The following TENM4 variants were observed in gnomAD, a reference collection of about 807,000 sequenced individuals.
The protein encoded by TENM4 is teneurin transmembrane protein 4.
In TENM4, 82 loss-of-function variants were observed where a neutral mutation model predicts 243.3. That is an observed-to-expected ratio of 0.34 (90% CI 0.28 to 0.40). TENM4 has a LOEUF of 0.40. Among genes scored for constraint, TENM4 ranks in the 10% least tolerant of loss-of-function variants. TENM4 has a pLI of 1.00. For synonymous variants in TENM4, 1,412 were observed against 1,456.3 expected, an observed-to-expected ratio of 0.97 and a Z score of 0.69; for missense variants, 3,138 against 3,673.3, an observed-to-expected ratio of 0.85 and a Z score of 3.77.
intron 2 of TENM4, among the ~76,000 whole-genome samples, chr11:79,251,492 C>G (rs779791788): frequency 6.6e-6 from 1 of 152,208 alleles, no homozygotes; most frequent in South Asian, 2.1e-4. Context: ...TTGCTCAAAT[C>G]AGGCACGAAA....
chr11:79,071,832 C>T (rs540674553), intron 4 of TENM4, among the ~76,000 whole-genome samples: 75 of 152,234 alleles, frequency 4.9e-4, no homozygotes, highest in African/African-American at 1.8e-3. Flanking sequence ...TGCCTAAGGC[C>T]ACATGGTGAG....
At chr11:79,208,299 A>T (rs1166588533) in intron 3 of TENM4, among the ~76,000 whole-genome samples, 1 of 152,212 alleles carries the variant, frequency 6.6e-6, no homozygotes, top group Non-Finnish European at 1.5e-5. Flanking sequence ...AGTGCTATTT[A>T]TGACAGAGCA....
chr11:79,406,321 A>G (rs1322374216), intron 1 of TENM4, among the ~76,000 whole-genome samples: 1 of 152,216 alleles, frequency 6.6e-6, no homozygotes, highest in Non-Finnish European at 1.5e-5. Context: ...TCATTATCTT[A>G]AGTGAAAAAA....
At chr11:79,099,982 AG>A (rs1246805238) in intron 4 of TENM4, among the ~76,000 whole-genome samples, 14 of 152,354 alleles carry the variant, frequency 9.2e-5, no homozygotes, top group African/African-American at 2.9e-4. Context: ...GTTTAGCAGC[AG>A]TAAAGGGCTG....
At chr11:79,084,947 T>G (rs1860769886) in intron 4 of TENM4, among the ~76,000 whole-genome samples, 1 of 152,260 alleles carries the variant, frequency 6.6e-6, no homozygotes, top group Non-Finnish European at 1.5e-5. Context: ...TTGTGTTATC[T>G]GTTCTTTTGC....
intron 4 of TENM4, among the ~76,000 whole-genome samples, chr11:79,124,607 G>T (rs1036605956): frequency 2.0e-5 from 3 of 150,726 alleles, no homozygotes; most frequent in Non-Finnish European, 4.4e-5. Context: ...ATATGTGTGT[G>T]TGTGTATATA....
At chr11:79,275,947 T>C (rs1480932250) in intron 2 of TENM4, among the ~76,000 whole-genome samples, 1 of 152,192 alleles carries the variant, frequency 6.6e-6, no homozygotes, top group Non-Finnish European at 1.5e-5. Flanking sequence ...TCTCTTTGGA[T>C]CATATGGGTT....
chr11:78,800,535 G>A (rs1485353867), intron 15 of TENM4, among the ~76,000 whole-genome samples: 2 of 152,120 alleles, frequency 1.3e-5, no homozygotes, highest in Non-Finnish European at 2.9e-5. Context: ...GATTAGGTTC[G>A]CTGTCGGGTA....
chr11:79,090,447 T>G (rs1860918174), intron 4 of TENM4, among the ~76,000 whole-genome samples: 1 of 152,246 alleles, frequency 6.6e-6, no homozygotes, highest in South Asian at 2.1e-4. Flanking sequence ...GCGAGCTGCC[T>G]ATGGCAGCAA....
At chr11:79,366,105 C>T (rs1857671278) in intron 1 of TENM4, among the ~76,000 whole-genome samples, 1 of 152,188 alleles carries the variant, frequency 6.6e-6, no homozygotes, top group African/African-American at 2.4e-5. Context: ...GTCTGCAAAA[C>T]AGGCACTCTG....
At chr11:79,110,335 C>T (rs1861476384) in intron 4 of TENM4, among the ~76,000 whole-genome samples, 1 of 152,232 alleles carries the variant, frequency 6.6e-6, no homozygotes, top group Non-Finnish European at 1.5e-5. Context: ...CTGCAGCCCC[C>T]TCCCTAGCCA....
chr11:78,739,804 G>A (rs1855880155), intron 19 of TENM4, among the ~76,000 whole-genome samples: 1 of 152,216 alleles, frequency 6.6e-6, no homozygotes, highest in African/African-American at 2.4e-5. Context: ...TCAGTTGGAA[G>A]ATCCCTAAGT....
At chr11:78,890,051 G>A (rs1855628768) in intron 8 of TENM4, 31 bp from the exon 9 acceptor site, 1 of 1,501,256 alleles carries the variant, frequency 6.7e-7, no homozygotes, top group Non-Finnish European at 8.9e-7. Context: ...GAGGGTGTCA[G>A]GGGCTGCCCA....
intron 1 of TENM4, among the ~76,000 whole-genome samples, chr11:79,351,036 G>T (rs572821090): frequency 1.3e-5 from 2 of 151,826 alleles, no homozygotes; most frequent in East Asian, 1.9e-4. Flanking sequence ...CTTCCTTTTC[G>T]CTTTCTTCCT....
chr11:78,695,351 T>A (rs189563477), intron 28 of TENM4, among the ~76,000 whole-genome samples: 8 of 152,136 alleles, frequency 5.3e-5, no homozygotes, highest in Non-Finnish European at 7.4e-5. Flanking sequence ...GTATAATATC[T>A]GAGTGGACAA....
intron 15 of TENM4, among the ~76,000 whole-genome samples, chr11:78,799,741 A>G (rs1857242030): frequency 6.6e-6 from 1 of 152,232 alleles, no homozygotes; most frequent in Admixed American, 6.5e-5. Flanking sequence ...TTATTCCACA[A>G]AACTCAATTG....
At chr11:78,905,457 T>G (rs1482218888) in intron 6 of TENM4, among the ~76,000 whole-genome samples, 2 of 152,266 alleles carry the variant, frequency 1.3e-5, no homozygotes, top group African/African-American at 4.8e-5. Flanking sequence ...GTGGATCACT[T>G]CCTTATTACA....
chr11:78,828,773 C>T (rs966458856), intron 12 of TENM4, among the ~76,000 whole-genome samples: 1 of 152,272 alleles, frequency 6.6e-6, no homozygotes, highest in African/African-American at 2.4e-5. Flanking sequence ...GCGGTAGCTA[C>T]ATATCTTGCA....
chr11:78,779,610 G>A (rs964352080), intron 16 of TENM4, among the ~76,000 whole-genome samples: 3 of 152,216 alleles, frequency 2.0e-5, no homozygotes, highest in Non-Finnish European at 4.4e-5. Context: ...TCCCTAGGCT[G>A]TAGTTATAGC....
Sources: gnomAD v4.1 joint callset for allele counts (sites outside exome capture counted in the v4.1 genomes callset) on GRCh38, gnomAD v4.1.1 for gene constraint, MANE v1.5 for transcripts, NCBI Gene and HGNC (gene_info 2026-07-23, HGNC 2026-07-21) for gene names.